The following TMEM74 variants were observed in gnomAD, a reference collection of about 807,000 sequenced individuals.
TMEM74 encodes the protein transmembrane protein 74.
In TMEM74, 13 loss-of-function variants were observed where a neutral mutation model predicts 18.1. The observed-to-expected ratio is 0.72, with a 90% CI of 0.47 to 1.14. The LOEUF (loss-of-function observed/expected upper bound fraction) is 1.14. Among genes scored for constraint, TMEM74 ranks in the 50% most tolerant of loss-of-function variants. The pLI is 0.00. For missense variants in TMEM74, 372 were observed against 375.9 expected (o/e 0.99, Z 0.09); for synonymous variants, 159 against 146.6 (o/e 1.08, Z -0.61).
chr8:108,704,378 C>A (rs1813370357), intron 1 of TMEM74, among the ~76,000 whole-genome samples: 1 of 152,224 alleles, frequency 6.6e-6, no homozygotes, highest in African/African-American at 2.4e-5. Context: ...TAGGCAGGCT[C>A]ACCTTGAGAA....
At chr8:108,646,785 C>G (rs1431377444) in intron 2 of TMEM74, among the ~76,000 whole-genome samples, 1 of 151,854 alleles carries the variant, frequency 6.6e-6, no homozygotes, top group African/African-American at 2.4e-5. Context: ...ATATTTTTGT[C>G]CTTCATAACT....
At chr8:108,712,082 C>T (rs1486320395) in intron 1 of TMEM74, among the ~76,000 whole-genome samples, 1 of 152,066 alleles carries the variant, frequency 6.6e-6, no homozygotes, top group Non-Finnish European at 1.5e-5. Flanking sequence ...AGGATACCCA[C>T]CCCCAGATTA....
intron 2 of TMEM74, among the ~76,000 whole-genome samples, chr8:108,644,504 A>T (rs1284037172): frequency 6.6e-6 from 1 of 152,184 alleles, no homozygotes; most frequent in African/African-American, 2.4e-5. Context: ...GACACATGGG[A>T]CCTAATTAAA....
At chr8:108,750,796 G>T (rs1246901119) in intron 1 of TMEM74, among the ~76,000 whole-genome samples, 1 of 152,138 alleles carries the variant, frequency 6.6e-6, no homozygotes, top group Non-Finnish European at 1.5e-5. Flanking sequence ...CCTAAGGGGA[G>T]AATCTTGGGA....
chr8:108,754,698 G>A (rs1242378226), intron 1 of TMEM74, among the ~76,000 whole-genome samples: 4 of 151,490 alleles, frequency 2.6e-5, no homozygotes, highest in African/African-American at 9.7e-5. Context: ...TAGGTAGGTA[G>A]ACAGAGATTT....
At chr8:108,700,130 G>GGTGTGTGTGTGTGTGTGTGTGT (rs3049748) in intron 1 of TMEM74, among the ~76,000 whole-genome samples, 3 of 143,076 alleles carry the variant, frequency 2.1e-5, no homozygotes, top group African/African-American at 7.9e-5. Flanking sequence ...GGCCATAAAT[G>GGTGTGTGTGTGTGTGTGTGTGT]GTGTGTGTGT....
At chr8:108,608,022 G>T (rs1199668185) in intron 3 of TMEM74, among the ~76,000 whole-genome samples, 1 of 151,992 alleles carries the variant, frequency 6.6e-6, no homozygotes, top group Non-Finnish European at 1.5e-5. Context: ...AGAACTAAAC[G>T]GCCAGGCGCA....
chr8:108,631,051 G>A (rs1812547526), intron 2 of TMEM74, among the ~76,000 whole-genome samples: 1 of 151,948 alleles, frequency 6.6e-6, no homozygotes, highest in Non-Finnish European at 1.5e-5. Flanking sequence ...TTAGAATGTG[G>A]GAAGAAATTA....
At chr8:108,632,346 C>T (rs931924377) in intron 2 of TMEM74, among the ~76,000 whole-genome samples, 4 of 151,930 alleles carry the variant, frequency 2.6e-5, no homozygotes, top group Non-Finnish European at 5.9e-5. Flanking sequence ...AAGTGGATAG[C>T]TCTTGTTTTC....
downstream of TMEM74, among the ~76,000 whole-genome samples, chr8:108,774,565 G>C (rs1024964160): frequency 3.9e-5 from 6 of 152,146 alleles, no homozygotes; most frequent in African/African-American, 1.2e-4. Flanking sequence ...TTAACCACTA[G>C]AGCCAGGAGG....
At chr8:108,683,455 T>C (rs907473612) in intron 1 of TMEM74, among the ~76,000 whole-genome samples, 92 of 151,958 alleles carry the variant, frequency 6.1e-4, no homozygotes, top group African/African-American at 2.1e-3. Flanking sequence ...ATTCTAGAAG[T>C]GTAAGAATGA....
intron 2 of TMEM74, among the ~76,000 whole-genome samples, chr8:108,641,377 G>T (rs572070820): frequency 6.6e-6 from 1 of 152,098 alleles, no homozygotes; most frequent in Non-Finnish European, 1.5e-5. Flanking sequence ...TCCTGTAAGC[G>T]TATATGTTTA....
chr8:108,651,346 T>C (rs1306685529), intron 2 of TMEM74, among the ~76,000 whole-genome samples: 1 of 152,208 alleles, frequency 6.6e-6, no homozygotes, highest in Admixed American at 6.5e-5. Context: ...ATTCATCAGT[T>C]ATTCTCAGAA....
chr8:108,654,496 C>G (rs1200617977), intron 2 of TMEM74, among the ~76,000 whole-genome samples: 1 of 152,062 alleles, frequency 6.6e-6, no homozygotes, highest in East Asian at 1.9e-4. Flanking sequence ...AGGGAAAAAA[C>G]ACATAAACCA....
chr8:108,747,916 G>A (rs1813866168), intron 1 of TMEM74, among the ~76,000 whole-genome samples: 1 of 152,070 alleles, frequency 6.6e-6, no homozygotes, highest in Non-Finnish European at 1.5e-5. Flanking sequence ...TGGCTGCATA[G>A]TATTCAATGA....
chr8:108,658,030 G>A (rs73702124), intron 1 of TMEM74, among the ~76,000 whole-genome samples: 1,906 of 150,856 alleles, frequency 0.013, 23 homozygotes, highest in African/African-American at 0.022. Flanking sequence ...ATGAGAACAA[G>A]GCAGAAGGAA....
At chr8:108,630,676 A>G (rs1812542159) in intron 2 of TMEM74, among the ~76,000 whole-genome samples, 1 of 152,102 alleles carries the variant, frequency 6.6e-6, no homozygotes. Context: ...AATTCACTCA[A>G]AACTGGAGGA....
intron 1 of TMEM74, among the ~76,000 whole-genome samples, chr8:108,682,145 C>T (rs1348091630): frequency 6.6e-6 from 1 of 152,062 alleles, no homozygotes; most frequent in Admixed American, 6.6e-5. Context: ...TCATTATGCT[C>T]AGGTATTGGC....
chr8:108,758,925 A>T (rs1814008531), intron 1 of TMEM74, among the ~76,000 whole-genome samples: 1 of 152,062 alleles, frequency 6.6e-6, no homozygotes, highest in South Asian at 2.1e-4. Context: ...ATAAAACGTG[A>T]TTTTTAAGAA....
Sources: gnomAD v4.1 joint callset for allele counts (sites outside exome capture counted in the v4.1 genomes callset) on GRCh38, gnomAD v4.1.1 for gene constraint, MANE v1.5 for transcripts, NCBI Gene and HGNC (gene_info 2026-07-23, HGNC 2026-07-21) for gene names.